ANKRD11: variants seen among roughly 807,000 people sequenced by gnomAD.
ANKRD11 encodes ankyrin repeat domain-containing protein 11.
Under a neutral mutation model 195.7 loss-of-function variants are expected in ANKRD11, and 17 were observed. The ratio of observed to expected loss-of-function variants is 0.09; its 90% CI spans 0.06 to 0.13. ANKRD11 has a LOEUF of 0.13. Among genes scored for constraint, ANKRD11 ranks in the 10% least tolerant of loss-of-function variants. ANKRD11 has a pLI of 1.00. For synonymous variants in ANKRD11, 1,953 were observed against 1,528.1 expected, an observed-to-expected ratio of 1.28 and a Z score of -6.49; for missense variants, 3,735 against 3,566.1, an observed-to-expected ratio of 1.05 and a Z score of -1.21.
chr16:89,281,396 C>T lies in ANKRD11; in HGVS notation c.5146G>A (p.Glu1716Lys), dbSNP rs2034229995. ...GTCCTGGGCGTGTGCATCACCTCCT[C>T]GTAGCTGGGGCAGGATAGCACCGAC... Reference protein sequence around the residue: ...PTSVLSCPSYEEVMHTPRTPS... With the variant: ...PTSVLSCPSYKEVMHTPRTPS... Residue 1716 changes from glutamate (E) to lysine (K), a missense_variant, in exon 9 of 13, where the codon GAG becomes AAG. Glu to Lys is a moderately conservative substitution (Grantham distance 56). Coordinates refer to ENST00000301030, the MANE Select transcript of ANKRD11 (RefSeq NM_013275.6). This position sits in a 1 kb window ranked among gnomAD's most constrained non-coding sequence, Gnocchi z 5.5. The T allele has an allele frequency of 1.9e-6, 3 of 1,608,784 alleles. No homozygotes were observed. The highest frequency in any genetic ancestry group is 1.3e-5 in the African/African-American group (1 of 74,740).
chr16:89,372,578 C>G (rs1310173162), intron 2 of ANKRD11, among the ~76,000 whole-genome samples: 1 of 152,042 alleles, frequency 6.6e-6, no homozygotes, highest in Non-Finnish European at 1.5e-5. Context: ...TACTAAAATA[C>G]TAACATTAAG....
At chr16:89,382,516 G>A (rs1402538562) in intron 2 of ANKRD11, among the ~76,000 whole-genome samples, 3 of 151,542 alleles carry the variant, frequency 2.0e-5, no homozygotes, top group Non-Finnish European at 4.4e-5. Context: ...TAATAGAGAC[G>A]GGATTTCACC....
At chr16:89,462,231 C>A (rs968224314) in intron 1 of ANKRD11, among the ~76,000 whole-genome samples, 2 of 152,208 alleles carry the variant, frequency 1.3e-5, no homozygotes, top group Non-Finnish European at 2.9e-5. Context: ...AGGCTCACGC[C>A]GCCACGCCTG....
chr16:89,391,512 C>T (rs1274691415), intron 2 of ANKRD11, among the ~76,000 whole-genome samples: 1 of 152,318 alleles, frequency 6.6e-6, no homozygotes, highest in East Asian at 1.9e-4. Context: ...TGGTCACAGA[C>T]GTCTTTTGCG....
chr16:89,278,721 C>T, intron 9 of ANKRD11: 1 of 503,840 alleles, frequency 2.0e-6, no homozygotes, highest in Non-Finnish European at 3.9e-6. Context: ...CAGGGGGTGG[C>T]TCTCGTGAGG....
intron 2 of ANKRD11, among the ~76,000 whole-genome samples, chr16:89,338,859 G>T (rs1362936554): frequency 6.6e-6 from 1 of 151,842 alleles, no homozygotes; most frequent in Non-Finnish European, 1.5e-5. Context: ...TAGCTAAAAG[G>T]TTTGCCAAAT....
At chr16:89,287,940 G>A (rs1315222753) in intron 7 of ANKRD11, 3 of 436,088 alleles carry the variant, frequency 6.9e-6, no homozygotes, top group Non-Finnish European at 8.1e-6. Flanking sequence ...GAGCTCTGAT[G>A]AAGACATCAG....
At position 89,268,405 on chromosome 16, in the gene ANKRD11, C is replaced by T. The variant is rs1484763905; in HGVS notation, c.*73G>A. 41 of 696,722 alleles carry T rather than the reference C, an allele frequency of 5.9e-5. No individual in the cohort carries two copies. The highest frequency in any genetic ancestry group is 8.2e-5 in the Non-Finnish European group (35 of 425,716). The allele number at this position is 696,722 out of a possible 1,614,324, so 43.2% of individuals were successfully genotyped here. ...CGGGTGGACAGGGCGCTCCCTCCTC[C>T]GCCCCTGGGGCTCAGCAGCAGTCCT... is the stretch of plus-strand genomic sequence containing the variant. On this transcript the variant is annotated 3_prime_UTR_variant, in exon 13 of 13. Transcript: ENST00000301030.
chr16:89,296,385 C>A (rs1449411506), intron 4 of ANKRD11, among the ~76,000 whole-genome samples: 1 of 152,272 alleles, frequency 6.6e-6, no homozygotes, highest in Non-Finnish European at 1.5e-5. Context: ...CCACAGCTCC[C>A]CGCTTCCTGC....
At chr16:89,278,729 A>T (rs1465150233) in intron 9 of ANKRD11, 1 of 510,602 alleles carries the variant, frequency 2.0e-6, no homozygotes, top group East Asian at 5.1e-5. Flanking sequence ...GGCTCTCGTG[A>T]GGCCGTCCTG....
chr16:89,452,373 C>T (rs1353388538), intron 1 of ANKRD11, among the ~76,000 whole-genome samples: 1 of 152,236 alleles, frequency 6.6e-6, no homozygotes, highest in African/African-American at 2.4e-5. Flanking sequence ...GGAGGACCAA[C>T]CATGCCTGGT....
At chr16:89,381,208 G>A (rs540904987) in intron 2 of ANKRD11, among the ~76,000 whole-genome samples, 23 of 151,948 alleles carry the variant, frequency 1.5e-4, no homozygotes, top group Non-Finnish European at 2.5e-4. Flanking sequence ...GGTGTGCACC[G>A]GTAATCCCAG....
intron 7 of ANKRD11, chr16:89,286,947 A>T: frequency 7.8e-7 from 1 of 1,289,756 alleles, no homozygotes; most frequent in Non-Finnish European, 1.0e-6. Flanking sequence ...CGCCCACAGA[A>T]TCAGTTTCCA....
At chr16:89,435,795 T>TTCACAC (rs1555578665) in intron 1 of ANKRD11, among the ~76,000 whole-genome samples, 3 of 74,386 alleles carry the variant, frequency 4.0e-5, no homozygotes, top group African/African-American at 1.4e-4. Flanking sequence ...CCACCAGCTC[T>TTCACAC]TCACACACAC....
intron 2 of ANKRD11, among the ~76,000 whole-genome samples, chr16:89,408,261 C>G (rs535986432): frequency 6.6e-6 from 1 of 152,236 alleles, no homozygotes; most frequent in Non-Finnish European, 1.5e-5. Flanking sequence ...AGTTCTCCAC[C>G]CTAGAGAAGT....
At chr16:89,444,352 T>C (rs532731152) in intron 1 of ANKRD11, among the ~76,000 whole-genome samples, 232 of 152,242 alleles carry the variant, frequency 1.5e-3, no homozygotes, top group African/African-American at 5.4e-3. Flanking sequence ...TGCCACTCAC[T>C]GCAACTCCTT....
intron 12 of ANKRD11, chr16:89,270,219 C>CGGGTGCTTGGTTCAGGGACCT (rs1567535748): frequency 5.5e-6 from 1 of 183,016 alleles, no homozygotes; most frequent in East Asian, 1.4e-4. Flanking sequence ...GTATGACACA[C>CGGGTGCTTGGTTCAGGGACCT]GGGTGCTTGG....
At chr16:89,462,718 G>C (rs1166723618) in intron 1 of ANKRD11, among the ~76,000 whole-genome samples, 3 of 150,038 alleles carry the variant, frequency 2.0e-5, no homozygotes, top group African/African-American at 7.4e-5. Context: ...CCTCTGCCCC[G>C]CCGCCCCGTC....
chr16:89,389,066 C>T (rs933424718), intron 2 of ANKRD11, among the ~76,000 whole-genome samples: 1 of 152,194 alleles, frequency 6.6e-6, no homozygotes, highest in Admixed American at 6.5e-5. Flanking sequence ...ATAAATAGGA[C>T]AGCAATGGAT....
Sources: gnomAD v4.1 joint callset for allele counts (sites outside exome capture counted in the v4.1 genomes callset) on GRCh38, gnomAD v4.1.1 for gene constraint, Gnocchi (gnomAD v3.1) non-coding constraint, MANE v1.5 for transcripts, NCBI Gene and HGNC (gene_info 2026-07-23, HGNC 2026-07-21) for gene names.